The following CDH13 variants were observed in gnomAD, a reference collection of about 807,000 sequenced individuals.
CDH13 encodes cadherin 13, also known as cadherin-13.
In CDH13, 24 loss-of-function variants were observed where a neutral mutation model predicts 63.8. The observed-to-expected ratio is 0.38, with a 90% CI of 0.27 to 0.53. The LOEUF is 0.53. CDH13 is among the 20% of genes least tolerant of loss of function. CDH13 has a pLI of 0.85. For missense variants in CDH13, 1,049 were observed against 903.1 expected (o/e 1.16, Z -2.07); for synonymous variants, 503 against 355.3 (o/e 1.42, Z -4.67).
At chr16:83,181,380 G>A (rs2038344493) in intron 4 of CDH13, among the ~76,000 whole-genome samples, 1 of 152,188 alleles carries the variant, frequency 6.6e-6, no homozygotes. Context: ...CTAACAAGCT[G>A]TGGGTGGCTC....
chr16:83,079,605 T>C (rs1416733948), intron 3 of CDH13, among the ~76,000 whole-genome samples: 1 of 152,248 alleles, frequency 6.6e-6, no homozygotes, highest in Non-Finnish European at 1.5e-5. Context: ...AATTAGGTGC[T>C]ACTTGGTTCT....
chr16:83,253,913 G>A lies in CDH13; in HGVS notation c.636+36416G>A, dbSNP rs988872064. ...ACAGACACACAAATATACATAGGAC[G>A]TGCAGATGTAATGGGATTTAATGTT... On this transcript the variant is annotated intron_variant, in intron 5 of 13. Coordinates refer to ENST00000567109, the MANE Select transcript of CDH13 (RefSeq NM_001257.5). Among the ~76,000 whole-genome samples, 4 of 152,286 alleles carry A rather than the reference G, an allele frequency of 2.6e-5. No individual in the cohort carries two copies. In the East Asian group the frequency reaches 5.8e-4, roughly 22 times the overall value.
At chr16:83,276,195 T>C (rs2088982799) in intron 5 of CDH13, among the ~76,000 whole-genome samples, 2 of 152,072 alleles carry the variant, frequency 1.3e-5, no homozygotes, top group African/African-American at 4.8e-5. Flanking sequence ...TCACTCCAAC[T>C]CTGAGAACTT....
At chr16:83,731,744 C>A (rs1436930597) in intron 10 of CDH13, among the ~76,000 whole-genome samples, 2 of 152,134 alleles carry the variant, frequency 1.3e-5, no homozygotes, top group African/African-American at 4.8e-5. Context: ...CAGCTGGATT[C>A]TTTTCTCGTC....
chr16:82,707,950 T>C (rs899240323), intron 1 of CDH13, among the ~76,000 whole-genome samples: 4 of 152,230 alleles, frequency 2.6e-5, no homozygotes, highest in African/African-American at 9.6e-5. Flanking sequence ...TGAGCCTTTA[T>C]GTCATGTTTT....
chr16:83,300,897 G>A (rs1448278841), intron 5 of CDH13, among the ~76,000 whole-genome samples: 2 of 152,228 alleles, frequency 1.3e-5, no homozygotes, highest in South Asian at 2.1e-4. Context: ...TAAAGAAGAC[G>A]TGGCTGAGAG....
At chr16:82,952,691 T>C (rs1272821332) in intron 2 of CDH13, among the ~76,000 whole-genome samples, 1 of 152,236 alleles carries the variant, frequency 6.6e-6, no homozygotes, top group African/African-American at 2.4e-5. Flanking sequence ...GTATTTATTT[T>C]ACATATTAGG....
At chr16:83,729,872 C>T (rs1472808414) in intron 10 of CDH13, among the ~76,000 whole-genome samples, 1 of 152,180 alleles carries the variant, frequency 6.6e-6, no homozygotes, top group Non-Finnish European at 1.5e-5. Flanking sequence ...GATTGTATGT[C>T]AAGCCCTGTG....
chr16:83,380,299 A>G (rs1013301244), intron 6 of CDH13, among the ~76,000 whole-genome samples: 2 of 152,192 alleles, frequency 1.3e-5, no homozygotes, highest in East Asian at 1.9e-4. Context: ...TGATTTTCAT[A>G]CTATTGTTCT....
chr16:83,661,696 A>C (rs762961129), intron 8 of CDH13, among the ~76,000 whole-genome samples: 4 of 152,192 alleles, frequency 2.6e-5, no homozygotes, highest in Non-Finnish European at 5.9e-5. Flanking sequence ...AGACAGGGTC[A>C]TGTAGAGGAA....
chr16:83,066,789 G>T lies in CDH13; in HGVS notation c.366+34571G>T, dbSNP rs141042312. Among the ~76,000 whole-genome samples, 602 of 152,230 alleles carry T rather than the reference G, an allele frequency of 4.0e-3. 7 individuals carry two copies. The highest frequency in any genetic ancestry group is 0.014 in the African/African-American group (568 of 41,534). On this transcript the variant is annotated intron_variant, in intron 3 of 13. Transcript: ENST00000567109. ...AGACTGGAATGCTCAAAGTCCACAT[G>T]GTCAGCACATTTTCTGCTTCTACTC...
At chr16:83,147,051 G>T (rs1032425777) in intron 4 of CDH13, among the ~76,000 whole-genome samples, 5 of 152,186 alleles carry the variant, frequency 3.3e-5, no homozygotes, top group Non-Finnish European at 5.9e-5. Context: ...TCACGCCGCT[G>T]TACTCTGGCC....
chr16:82,807,409 G>A (rs191583459), intron 1 of CDH13, among the ~76,000 whole-genome samples: 50 of 152,268 alleles, frequency 3.3e-4, no homozygotes, highest in Non-Finnish European at 2.8e-4. Flanking sequence ...ATAGGAAGAG[G>A]TCTGGTAGCT....
chr16:83,194,632 A>G (rs1206830155), intron 4 of CDH13, among the ~76,000 whole-genome samples: 1 of 152,246 alleles, frequency 6.6e-6, no homozygotes, highest in Admixed American at 6.5e-5. Flanking sequence ...TTGGGTAAAA[A>G]GAAAACGACT....
At chr16:83,542,650 T>G (rs2075315200) in intron 7 of CDH13, among the ~76,000 whole-genome samples, 1 of 152,208 alleles carries the variant, frequency 6.6e-6, no homozygotes, top group Non-Finnish European at 1.5e-5. Context: ...AATCCTTCCT[T>G]GTGTCTTCCA....
intron 11 of CDH13, among the ~76,000 whole-genome samples, chr16:83,755,302 C>T (rs936467410): frequency 5.3e-5 from 8 of 151,674 alleles, no homozygotes; most frequent in African/African-American, 1.7e-4. Flanking sequence ...GGATAAAGAA[C>T]GGGAAAAAAT....
intron 7 of CDH13, among the ~76,000 whole-genome samples, chr16:83,528,524 T>C (rs935618621): frequency 2.0e-5 from 3 of 152,152 alleles, no homozygotes; most frequent in African/African-American, 4.8e-5. Context: ...TGGGGTCGTC[T>C]AAGAGCCCTT....
intron 13 of CDH13, among the ~76,000 whole-genome samples, chr16:83,790,447 T>C (rs1367501675): frequency 2.0e-5 from 3 of 152,224 alleles, no homozygotes; most frequent in Non-Finnish European, 2.9e-5. Flanking sequence ...TCACCCAGGC[T>C]GGAGTGCAGT....
At chr16:82,828,894 A>C (rs1332353124) in intron 1 of CDH13, among the ~76,000 whole-genome samples, 3 of 152,134 alleles carry the variant, frequency 2.0e-5, no homozygotes, top group Non-Finnish European at 4.4e-5. Flanking sequence ...TTTGAGAAAA[A>C]TCCTGGAATC....
Sources: gnomAD v4.1 joint callset for allele counts (sites outside exome capture counted in the v4.1 genomes callset) on GRCh38, gnomAD v4.1.1 for gene constraint, MANE v1.5 for transcripts, NCBI Gene and HGNC (gene_info 2026-07-23, HGNC 2026-07-21) for gene names.